The following TDRD12 variants were observed in gnomAD, a reference collection of about 807,000 sequenced individuals.
TDRD12 encodes the protein putative ATP-dependent RNA helicase TDRD12.
TDRD12 carries 158 observed loss-of-function variants against 133.5 expected under a neutral mutation model. That is an observed-to-expected ratio of 1.18 (90% CI 1.04 to 1.35). The LOEUF (loss-of-function observed/expected upper bound fraction) is 1.35, where lower values mean the gene tolerates loss of function less well. Ranked by LOEUF, TDRD12 falls within the 40% of genes most tolerant of loss-of-function variation. The pLI is 0.00. For synonymous variants in TDRD12, 460 were observed against 477.9 expected (o/e 0.96, Z 0.49); for missense variants, 1,443 against 1,321.3 (o/e 1.09, Z -1.43).
At chr19:32,826,147 G>C (rs1599638616), downstream of TDRD12, 1 of 1,535,794 alleles carries the variant, frequency 6.5e-7, no homozygotes, top group Admixed American at 2.0e-5. Context: ...GAACTGCACA[G>C]CCGCCTCTGA....
At chr19:32,748,397 G>C in intron 4 of TDRD12, 79 bp from the exon 5 acceptor site, 1 of 1,393,904 alleles carries the variant, frequency 7.2e-7, no homozygotes, top group Non-Finnish European at 9.8e-7. Flanking sequence ...GAAATGTCCA[G>C]TGCATGGTTT....
At chr19:32,753,404 T>G (rs58227141) in intron 6 of TDRD12, among the ~76,000 whole-genome samples, 9,700 of 152,222 alleles carry the variant, frequency 0.064, 517 homozygotes, top group East Asian at 0.23. Flanking sequence ...GGTCTTGCTA[T>G]GTTGTTCAGG....
chr19:32,768,225 C>A (rs1970351796), intron 8 of TDRD12, among the ~76,000 whole-genome samples: 1 of 152,076 alleles, frequency 6.6e-6, no homozygotes, highest in Non-Finnish European at 1.5e-5. Context: ...GAATGATATT[C>A]CAGGATAACT....
chr19:32,733,086 C>A (rs929966073), intron 2 of TDRD12, among the ~76,000 whole-genome samples: 3 of 152,186 alleles, frequency 2.0e-5, no homozygotes, highest in African/African-American at 7.2e-5. Context: ...GGCAGAAGAT[C>A]ACTTGAGCCT....
intron 8 of TDRD12, among the ~76,000 whole-genome samples, chr19:32,759,296 C>T (rs903913780): frequency 2.0e-5 from 3 of 152,084 alleles, no homozygotes; most frequent in Non-Finnish European, 4.4e-5. Context: ...CCTGGGTCTA[C>T]CACTGGCTTG....
chr19:32,746,907 AG>A lies in TDRD12; in HGVS notation c.441-1566del, dbSNP rs1381622907. On this transcript the variant is annotated intron_variant, in intron 4 of 27. Transcript: ENST00000444215. Reference sequence around the variant, plus strand: ...GTGTGTGTGAGAGAGAGAGAGAGAGAGGGAGAGACTGGCTGATGTGGCTATT... The same window carrying A: ...GTGTGTGTGAGAGAGAGAGAGAGAGAGGAGAGACTGGCTGATGTGGCTATT... Among the ~76,000 whole-genome samples the A allele has an allele frequency of 5.3e-4, 70 of 131,048 alleles. 1 individual carries two copies. Among genetic ancestry groups the A allele is most frequent in the Admixed American group, 4.5e-3 (59 of 13,162 alleles). The allele number at this position is 131,048 out of a possible 152,430, so 86.0% of individuals were successfully genotyped here. A position where few individuals can be genotyped will look rare whatever the true frequency, so the allele number is the denominator to read the frequency against.
rs149505453 is a variant in TDRD12 at position 32,762,003 on chromosome 19, C to T, written c.865+4873C>T. On this transcript the variant is annotated intron_variant, in intron 8 of 27. Transcript: ENST00000444215. Reference sequence around the variant, plus strand: ...ACAGGCATGAGCCACCCACCATGTCCGGCAAGGATTTGGCTATTTTAAATT... The same window carrying T: ...ACAGGCATGAGCCACCCACCATGTCTGGCAAGGATTTGGCTATTTTAAATT... Among the ~76,000 whole-genome samples the T allele has an allele frequency of 6.4e-4, 97 of 152,262 alleles. 1 individual carries two copies. The highest frequency in any genetic ancestry group is 1.2e-3 in the Admixed American group (18 of 15,288).
At chr19:32,779,065 C>T (rs958025192) in intron 11 of TDRD12, among the ~76,000 whole-genome samples, 10 of 152,328 alleles carry the variant, frequency 6.6e-5, no homozygotes, top group South Asian at 2.1e-4. Flanking sequence ...GGCTGCACTG[C>T]GTCCAAAGCC....
intron 17 of TDRD12, 59 bp from the exon 18 acceptor site, chr19:32,800,585 G>GGGA: frequency 1.4e-6 from 2 of 1,420,220 alleles, no homozygotes; most frequent in Non-Finnish European, 1.9e-6. Context: ...CCTGTGGAAA[G>GGGA]TGGATCTGGA....
At chr19:32,774,469 TTTTA>T (rs1970525474) in intron 10 of TDRD12, among the ~76,000 whole-genome samples, 2 of 152,124 alleles carry the variant, frequency 1.3e-5, no homozygotes, top group African/African-American at 4.8e-5. Context: ...GCTTTTTTTT[TTTTA>T]AAAGTATTCA....
intron 8 of TDRD12, among the ~76,000 whole-genome samples, chr19:32,769,724 C>T (rs983807254): frequency 6.6e-6 from 1 of 152,106 alleles, no homozygotes; most frequent in African/African-American, 2.4e-5. Flanking sequence ...ACAACCTCCG[C>T]CTCCTGGATT....
chr19:32,739,399 A>G (rs1352566634), intron 3 of TDRD12, among the ~76,000 whole-genome samples: 1 of 136,598 alleles, frequency 7.3e-6, no homozygotes, highest in Non-Finnish European at 1.6e-5. Context: ...TGCTCTCTGC[A>G]TCTCCTGGGG....
chr19:32,761,811 G>GAGT (rs1970158498), intron 8 of TDRD12, among the ~76,000 whole-genome samples: 1 of 151,766 alleles, frequency 6.6e-6, no homozygotes, highest in Non-Finnish European at 1.5e-5. Flanking sequence ...TGAGCCCCGC[G>GAGT]AGTAGCTGGG....
At chr19:32,813,811 T>C (rs61062732) in intron 25 of TDRD12, 35 bp downstream of exon 25, 249,348 of 1,247,086 alleles carry the variant, frequency 0.2, 25,863 homozygotes, top group African/African-American at 0.33. Flanking sequence ...ATAAATTTGT[T>C]TGAATGGGCG....
chr19:32,749,810 T>C (rs1290945359), exon 6 of TDRD12: 2 of 1,550,794 alleles, frequency 1.3e-6, no homozygotes, highest in Non-Finnish European at 8.7e-7. Context: ...AGCCAGATTA[T>C]GTGCTGTGGA....
At chr19:32,719,898 G>A (rs1192685500) in exon 1 of TDRD12, 11 of 726,950 alleles carry the variant, frequency 1.5e-5, no homozygotes, top group Non-Finnish European at 2.3e-5. Flanking sequence ...GTCCGCGAGG[G>A]CTCCTGGGGA....
chr19:32,815,087 A>G (rs1967129678), intron 25 of TDRD12, among the ~76,000 whole-genome samples: 1 of 152,196 alleles, frequency 6.6e-6, no homozygotes, highest in South Asian at 2.1e-4. Flanking sequence ...GCTGAGCCTC[A>G]GGAGGTAAAA....
At chr19:32,805,297 C>T (rs919754248) in intron 21 of TDRD12, among the ~76,000 whole-genome samples, 3 of 150,100 alleles carry the variant, frequency 2.0e-5, no homozygotes, top group East Asian at 1.9e-4. Context: ...GTAGGGGGAT[C>T]GCTTGAGCCT....
intron 11 of TDRD12, among the ~76,000 whole-genome samples, chr19:32,789,844 A>T (rs1971017464): frequency 6.6e-6 from 1 of 152,114 alleles, no homozygotes; most frequent in African/African-American, 2.4e-5. Flanking sequence ...TCTACTAAAA[A>T]TACAGAAATT....
Sources: gnomAD v4.1 joint callset for allele counts (sites outside exome capture counted in the v4.1 genomes callset) on GRCh38, gnomAD v4.1.1 for gene constraint, MANE v1.5 for transcripts, NCBI Gene and HGNC (gene_info 2026-07-23, HGNC 2026-07-21) for gene names.